The following MED13 variants were observed in gnomAD, a reference collection of about 807,000 sequenced individuals.
The protein encoded by MED13 is mediator complex subunit 13.
A neutral mutation model predicts 225.2 loss-of-function variants in MED13; 23 were observed. That is an observed-to-expected ratio of 0.10 (90% CI 0.07 to 0.14). The LOEUF is 0.14. Ranked by LOEUF, MED13 falls within the 10% of genes least tolerant of loss-of-function variation. The pLI is 1.00. For synonymous variants in MED13, 942 were observed against 889.2 expected (o/e 1.06, Z -1.06); for missense variants, 2,197 against 2,594.5 (o/e 0.85, Z 3.33).
chr17:61,987,136 A>G lies in MED13; in HGVS notation c.2264-8T>C, dbSNP rs777273570. 6.3e-7 allele frequency: 1 copy of G among 1,582,238 alleles called. No individual in the cohort carries two copies. The highest frequency in any genetic ancestry group is 8.6e-7 in the Non-Finnish European group (1 of 1,168,068). On this transcript the variant is annotated splice_polypyrimidine_tract_variant and splice_region_variant and intron_variant, in intron 11 of 29. Coordinates refer to ENST00000397786, the MANE Select transcript of MED13 (RefSeq NM_005121.3). ...TAGTAGGGCGTGGAGCATCTACAAA[A>G]GTCAATCAGAAAAATAAAATTAAAA... is the stretch of plus-strand genomic sequence containing the variant.
At chr17:61,964,961 T>C in intron 20 of MED13, 45 bp downstream of exon 20, 2 of 1,533,142 alleles carry the variant, frequency 1.3e-6, no homozygotes, top group South Asian at 1.2e-5. Context: ...AGAAGCAGCA[T>C]CATAGTTTTT....
chr17:61,980,449 A>G (rs1247305999), intron 16 of MED13, among the ~76,000 whole-genome samples: 1 of 152,114 alleles, frequency 6.6e-6, no homozygotes, highest in Non-Finnish European at 1.5e-5. Context: ...AATTTAAAAC[A>G]TATTATCTCC....
In MED13 at chr17:61,973,762, G is replaced by GT. The variant is rs1323440634; in HGVS notation, c.3806-875dup. ...TTTGGGAGGCCAAGGCGGGTGGACT[G>GT]TTTGAGGTCAGGAGTTTGAGACCAG... is the stretch of plus-strand genomic sequence containing the variant. On this transcript the variant is annotated intron_variant, in intron 16 of 29. Transcript: ENST00000397786. 2.0e-5 allele frequency among the ~76,000 whole-genome samples: 3 copies of GT among 152,240 alleles called. No homozygotes were observed. In the East Asian group the frequency reaches 5.8e-4, roughly 29 times the overall value.
At chr17:62,063,908 GGT>G (rs1295610811) in intron 1 of MED13, among the ~76,000 whole-genome samples, 1 of 152,062 alleles carries the variant, frequency 6.6e-6, no homozygotes, top group Non-Finnish European at 1.5e-5. Flanking sequence ...TATAAAACCT[GGT>G]GTATGTCTTA....
chr17:62,031,252 G>A (rs1482367282), intron 6 of MED13, 192 bp downstream of exon 6: 1 of 488,396 alleles, frequency 2.0e-6, no homozygotes, highest in Non-Finnish European at 3.5e-6. Context: ...CAATGATAAT[G>A]AATGTACATC....
At chr17:62,035,655 A>T in intron 3 of MED13, 47 bp from the exon 4 acceptor site, 1 of 1,546,842 alleles carries the variant, frequency 6.5e-7, no homozygotes, top group Non-Finnish European at 8.7e-7. Context: ...TAGTGGCCAA[A>T]AATGTTAACT....
intron 8 of MED13, among the ~76,000 whole-genome samples, chr17:62,014,146 T>G (rs1386427175): frequency 2.0e-5 from 3 of 151,908 alleles, no homozygotes; most frequent in Non-Finnish European, 4.4e-5. Flanking sequence ...AACCAGATAC[T>G]GTCTCTCTCT....
At chr17:62,065,111 C>A (rs756467332) in intron 1 of MED13, 29 bp downstream of exon 1, 3 of 1,524,836 alleles carry the variant, frequency 2.0e-6, no homozygotes, top group Non-Finnish European at 1.8e-6. Context: ...GGCCCCCCTC[C>A]CTCGGCGCCC....
Position 62,011,194 on chromosome 17 carries a change from T to A in MED13, c.1323A>T (p.Gly441=), listed in dbSNP as rs201330998. 3.7e-4 allele frequency: 601 copies of A among 1,612,102 alleles called. No homozygotes were observed. The highest frequency in any genetic ancestry group is 5.0e-4 in the Non-Finnish European group (589 of 1,179,240). ...GTTGCTGACCTAAAGATGGTGCCTG[T>A]CCTTGTTGTCCAGCATTTCTTGACT... The part of the protein sequence containing the change: ...NLKSRNAGQQ[G]QAPSLGQQQQ... Residue 441 remains glycine, a synonymous_variant, in exon 9 of 30, where the codon GGA becomes GGT. Transcript: ENST00000397786.
chr17:61,995,380 TA>T lies in MED13; in HGVS notation c.1968-16del, dbSNP rs563520337. On this transcript the variant is annotated splice_polypyrimidine_tract_variant and intron_variant, in intron 9 of 29. Coordinates refer to ENST00000397786, the MANE Select transcript of MED13 (RefSeq NM_005121.3). ...GCACCATTAACCTGCATAAAAAAAT[TA>T]AAAAAAATTAATTATCCACATAAGC... The T allele has an allele frequency of 8.5e-5, 132 of 1,545,322 alleles. No individual in the cohort carries two copies. The East Asian group carries it at 1.6e-3, about 18-fold the overall frequency.
At chr17:61,946,754 A>G (rs1457192714) in intron 29 of MED13, among the ~76,000 whole-genome samples, 154 bp from the exon 30 acceptor site, 2 of 152,252 alleles carry the variant, frequency 1.3e-5, no homozygotes, top group Non-Finnish European at 2.9e-5. Context: ...CATAAAAATT[A>G]TTCTCAAAAG....
In MED13 at chr17:61,965,324, G is replaced by A. The variant is rs2080047354; in HGVS notation, c.4526C>T (p.Ala1509Val). The A allele has an allele frequency of 6.2e-7, 1 of 1,614,252 alleles. No homozygotes were observed. The highest frequency in any genetic ancestry group is 8.5e-7 in the Non-Finnish European group (1 of 1,180,050). Residue 1509 changes from alanine (A) to valine (V), a missense_variant, in exon 20 of 30, where the codon GCA (alanine) becomes GTA (valine). By Grantham distance (64) the Ala-to-Val change is moderately conservative. This residue lies in a region of MED13 where 457 missense variants were observed against 442.2 expected (regional missense o/e 1.03). Coordinates refer to ENST00000397786, the MANE Select transcript of MED13 (RefSeq NM_005121.3). ...AGTCACTGTCATAGTGCTGCTCGCT[G>A]CAGATGCTAAGGTGGCAGATGGAGT... ...ANTPSATLASAASSTMTVTSG... is the reference protein window; with the variant it reads ...ANTPSATLASVASSTMTVTSG...
chr17:62,014,310 T>A lies in MED13; in HGVS notation c.1284-3077A>T, dbSNP rs185029888. On this transcript the variant is annotated intron_variant, in intron 8 of 29. Coordinates refer to ENST00000397786, the MANE Select transcript of MED13 (RefSeq NM_005121.3). Reference sequence around the variant, plus strand: ...ATGATGGGAAGTTCTGTATATGTTTTTATATATATATATATATATATTTTG... The same window carrying A: ...ATGATGGGAAGTTCTGTATATGTTTATATATATATATATATATATATTTTG... Among the ~76,000 whole-genome samples, 955 of 143,012 alleles carry A rather than the reference T, an allele frequency of 6.7e-3. 13 individuals carry two copies. Among genetic ancestry groups the A allele is most frequent in the African/African-American group, 0.02 (742 of 37,106 alleles). The allele number at this position is 143,012 out of a possible 152,430, so 93.8% of individuals were successfully genotyped here.
At chr17:62,053,930 A>G (rs1428402136) in intron 2 of MED13, among the ~76,000 whole-genome samples, 1 of 152,260 alleles carries the variant, frequency 6.6e-6, no homozygotes, top group Admixed American at 6.5e-5. Flanking sequence ...GTGCCACTAC[A>G]AAGATTAATG....
chr17:61,989,227 G>T (rs1249382023), intron 11 of MED13, among the ~76,000 whole-genome samples: 2 of 152,070 alleles, frequency 1.3e-5, no homozygotes, highest in Non-Finnish European at 2.9e-5. Context: ...AGCCAGGATG[G>T]TCTCAATCTC....
At chr17:62,059,314 C>T (rs746248174) in intron 2 of MED13, among the ~76,000 whole-genome samples, 1 of 152,084 alleles carries the variant, frequency 6.6e-6, no homozygotes, top group Non-Finnish European at 1.5e-5. Context: ...ACTGAATATT[C>T]CAGTTAAGAA....
chr17:61,965,204 C>T lies in MED13; in HGVS notation c.4646G>A (p.Gly1549Glu), dbSNP rs1384984572. Residue 1549 changes from glycine (G) to glutamate (E), a missense_variant, in exon 20 of 30, where the codon GGA (glycine) becomes GAA (glutamate). By Grantham distance (98) the Gly-to-Glu change is moderately conservative. Coordinates refer to ENST00000397786, the MANE Select transcript of MED13 (RefSeq NM_005121.3). ...SSSSSSNLNS[G>E]VSSNKLPSFP... ...CGAAGGTAGTTTATTTGATGATACT[C>T]CACTATTCAAGTTGGAGGATGATGA... 6.2e-7 allele frequency: 1 copy of T among 1,614,168 alleles called. No individual in the cohort carries two copies. The highest frequency in any genetic ancestry group is 1.1e-5 in the South Asian group (1 of 91,086).
At chr17:62,034,753 A>G (rs1489096436) in intron 4 of MED13, among the ~76,000 whole-genome samples, 3 of 152,186 alleles carry the variant, frequency 2.0e-5, no homozygotes, top group Non-Finnish European at 2.9e-5. Flanking sequence ...ATCTTATAAA[A>G]TATTTCTTCT....
intron 2 of MED13, among the ~76,000 whole-genome samples, chr17:62,058,055 C>CA (rs1320622863): frequency 1.3e-5 from 2 of 152,172 alleles, no homozygotes; most frequent in African/African-American, 4.8e-5. Flanking sequence ...GAAAATGATA[C>CA]AATCTTGCTC....
Sources: allele counts gnomAD v4.1 joint callset (sites outside exome capture counted in the v4.1 genomes callset), GRCh38; gene constraint gnomAD v4.1.1; regional missense constraint gnomAD v4.1.1; transcripts MANE v1.5; gene names NCBI Gene and HGNC (gene_info 2026-07-23, HGNC 2026-07-21).